SLC10A2: variants seen among roughly 807,000 people sequenced by gnomAD.
SLC10A2 encodes the protein solute carrier family 10 member 2.
In SLC10A2, 34 loss-of-function variants were observed where a neutral mutation model predicts 27.1. That is an observed-to-expected ratio of 1.26 (90% confidence interval 0.96 to 1.67). The LOEUF is 1.67. Among genes scored for constraint, SLC10A2 ranks in the 40% most tolerant of loss-of-function variants. The pLI is 0.00. For missense variants in SLC10A2, 530 were observed against 444.4 expected (o/e 1.19, Z -1.73); for synonymous variants, 205 against 174.0 (o/e 1.18, Z -1.40).
intron 1 of SLC10A2, among the ~76,000 whole-genome samples, chr13:103,058,998 G>C (rs2138921868): frequency 6.6e-6 from 1 of 152,326 alleles, no homozygotes; most frequent in African/African-American, 2.4e-5. Context: ...TGGGTTGAGT[G>C]TATTTCTGTT....
Position 103,044,186 on chromosome 13 carries a change from A to C in SLC10A2, c.*1947T>G, listed in dbSNP as rs537789877. On this transcript the variant is annotated 3_prime_UTR_variant, in exon 6 of 6. Transcript: ENST00000245312. ...ATTAGGGAAAAAGACTCAAGTCACA[A>C]GTTACCGCATCATGTAAGAAAGCCA... 5 of 152,294 alleles carry C rather than the reference A, an allele frequency of 3.3e-5. No homozygotes were observed. Among genetic ancestry groups the C allele is most frequent in the Non-Finnish European group, 5.9e-5 (4 of 68,014 alleles). 9.4% of individuals were successfully genotyped at this position (152,294 alleles called of 1,614,324 possible).
rs1465202734 is a variant in SLC10A2 at position 103,066,017 on chromosome 13, A to G, written c.233T>C (p.Ile78Thr). 2 of 1,613,994 alleles carry G rather than the reference A, an allele frequency of 1.2e-6. No individual in the cohort carries two copies. The highest frequency in any genetic ancestry group is 1.7e-5 in the Admixed American group (1 of 59,978). ...ICVGFLCQFG[I>T]MPLTGFILSV... The stretch of plus-strand genomic sequence containing the variant: ...CAGGATGAATCCTGTGAGGGGCATG[A>G]TTCCAAACTGACAGAGGAAGCCAAC... Residue 78 changes from isoleucine (I) to threonine (T), a missense_variant, in exon 1 of 6, where the codon ATC becomes ACC. Ile to Thr is a moderately conservative substitution (Grantham distance 89). Transcript: ENST00000245312.
At chr13:103,060,500 C>T (rs190354687) in intron 1 of SLC10A2, among the ~76,000 whole-genome samples, 15 of 151,680 alleles carry the variant, frequency 9.9e-5, no homozygotes, top group African/African-American at 2.9e-4. Flanking sequence ...CTCAGCCTCC[C>T]GAGTAGCTGG....
intron 3 of SLC10A2, 65 bp downstream of exon 3, chr13:103,052,555 A>G (rs1049685699): frequency 1.7e-6 from 2 of 1,158,324 alleles, no homozygotes; most frequent in Non-Finnish European, 2.6e-6. Flanking sequence ...CATTTCATGG[A>G]TGGAAAACCC....
At chr13:103,056,086 C>A (rs893003432) in intron 2 of SLC10A2, among the ~76,000 whole-genome samples, 8 of 152,226 alleles carry the variant, frequency 5.3e-5, no homozygotes, top group Non-Finnish European at 4.4e-5. Flanking sequence ...GGACAAGCTG[C>A]ATAAGGGATA....
At chr13:103,052,235 C>T (rs766201946) in intron 3 of SLC10A2, among the ~76,000 whole-genome samples, 1 of 152,086 alleles carries the variant, frequency 6.6e-6, no homozygotes, top group Non-Finnish European at 1.5e-5. Flanking sequence ...CAGTAATATG[C>T]CCTGAGGACA....
intron 1 of SLC10A2, among the ~76,000 whole-genome samples, chr13:103,065,095 A>G (rs1160055212): frequency 6.6e-6 from 1 of 152,258 alleles, no homozygotes; most frequent in East Asian, 1.9e-4. Context: ...CTAAGGAAAA[A>G]GACATTTGTC....
rs143709540 is a variant in SLC10A2 at position 103,053,081 on chromosome 13, GGTGTGTGTGTGTGTGTGTGTGTGT to G, written c.497-397_497-374del. Among the ~76,000 whole-genome samples, 177 of 145,182 alleles carry G rather than the reference GGTGTGTGTGTGTGTGTGTGTGTGT, an allele frequency of 1.2e-3. 2 individuals are homozygous for G. Among genetic ancestry groups the G allele is most frequent in the African/African-American group, 4.2e-3 (167 of 39,316 alleles). On this transcript the variant is annotated intron_variant, in intron 2 of 5. Coordinates refer to ENST00000245312, the MANE Select transcript of SLC10A2 (RefSeq NM_000452.3). ...ATCTCTAGGAAAAATAGCTCACCAA[GGTGTGTGTGTGTGTGTGTGTGTGT>G]GTGTGTGTGTGTGTGTGTGTGTATG... is the stretch of plus-strand genomic sequence containing the variant.
At chr13:103,055,942 C>G (rs561700380) in intron 2 of SLC10A2, among the ~76,000 whole-genome samples, 2 of 152,358 alleles carry the variant, frequency 1.3e-5, no homozygotes, top group South Asian at 4.1e-4. Flanking sequence ...AGTCCTTTCA[C>G]AAGCAACGTC....
intron 1 of SLC10A2, among the ~76,000 whole-genome samples, chr13:103,063,854 G>A (rs1199642542): frequency 6.6e-6 from 1 of 152,190 alleles, no homozygotes; most frequent in Non-Finnish European, 1.5e-5. Flanking sequence ...TGATAATTAA[G>A]AGAGAATATG....
Position 103,045,833 on chromosome 13 carries a change from C to T in SLC10A2, c.*300G>A, listed in dbSNP as rs921484746. 3 of 225,286 alleles carry T rather than the reference C, an allele frequency of 1.3e-5. No homozygotes were observed. Among genetic ancestry groups the T allele is most frequent in the Admixed American group, 5.2e-5 (1 of 19,292 alleles). 14.0% of individuals were successfully genotyped at this position (225,286 alleles called of 1,614,324 possible). ...TTGGTGTTAAAGATGTTTTCATTCT[C>T]GGTGTTCCCTATGTCAGGTTTAGTC... On this transcript the variant is annotated 3_prime_UTR_variant, in exon 6 of 6. Transcript: ENST00000245312.
rs1595444083 is a variant in SLC10A2 at position 103,065,947 on chromosome 13, GA to G, written c.302del (p.Leu101ProfsTer3). On this transcript the variant is annotated frameshift_variant, in exon 1 of 6. Coordinates refer to ENST00000245312, the MANE Select transcript of SLC10A2 (RefSeq NM_000452.3). LOFTEE classifies it high-confidence loss of function. ...DILPLQAVVVLIIGCCPGGTA... is the reference protein window; with the variant it reads ...DILPLQAVVVXIIGCCPGGTA... ...TTCCTCCAGGGCAGCATCCTATAAT[GA>G]GCACCACTACGGCCTGGAGCGGGAG... is the stretch of plus-strand genomic sequence containing the variant. The G allele has an allele frequency of 2.5e-6, 4 of 1,614,136 alleles. No individual in the cohort carries two copies. In the East Asian group the frequency reaches 8.9e-5, roughly 36 times the overall value.
chr13:103,060,408 A>G (rs1437308788), intron 1 of SLC10A2, among the ~76,000 whole-genome samples: 2 of 136,562 alleles, frequency 1.5e-5, no homozygotes, highest in African/African-American at 5.5e-5. Flanking sequence ...TTTTTTAAAT[A>G]GGGTCTCTCT....
chr13:103,046,115 GT>G lies in SLC10A2; in HGVS notation c.*17del. On this transcript the variant is annotated 3_prime_UTR_variant, in exon 6 of 6. Coordinates refer to ENST00000245312, the MANE Select transcript of SLC10A2 (RefSeq NM_000452.3). ...TAAGAACGTAATTTGGAACTCGTCT[GT>G]TTTGTCCACTTGATGTCTACTTTTC... The G allele has an allele frequency of 6.2e-7, 1 of 1,613,392 alleles. No individual in the cohort carries two copies. Among genetic ancestry groups the G allele is most frequent in the Non-Finnish European group, 8.5e-7 (1 of 1,179,504 alleles).
At chr13:103,065,186 C>T (rs1876236825) in intron 1 of SLC10A2, among the ~76,000 whole-genome samples, 1 of 152,112 alleles carries the variant, frequency 6.6e-6, no homozygotes, top group South Asian at 2.1e-4. Context: ...TTTTCCAGTG[C>T]TAGTTCAGAC....
chr13:103,048,260 G>A (rs570394591), intron 5 of SLC10A2, among the ~76,000 whole-genome samples: 7 of 152,020 alleles, frequency 4.6e-5, no homozygotes, highest in South Asian at 2.1e-4. Flanking sequence ...TCATGGTGGC[G>A]GGCACCTGTA....
chr13:103,059,284 T>C (rs949443306), intron 1 of SLC10A2, among the ~76,000 whole-genome samples: 1 of 152,240 alleles, frequency 6.6e-6, no homozygotes, highest in Non-Finnish European at 1.5e-5. Context: ...TCATGTCATT[T>C]GCCCACTTTT....
chr13:103,060,115 G>A (rs572878839), intron 1 of SLC10A2, among the ~76,000 whole-genome samples: 1 of 152,298 alleles, frequency 6.6e-6, no homozygotes, highest in South Asian at 2.1e-4. Context: ...GTCAAAGAAA[G>A]ATTTTTGGGG....
chr13:103,058,974 A>T (rs1876023320), intron 1 of SLC10A2, among the ~76,000 whole-genome samples: 1 of 152,260 alleles, frequency 6.6e-6, no homozygotes, highest in Non-Finnish European at 1.5e-5. Context: ...GTATATACCC[A>T]GTAATGGGAT....
Sources: allele counts gnomAD v4.1 joint callset (sites outside exome capture counted in the v4.1 genomes callset), GRCh38; gene constraint gnomAD v4.1.1; transcripts MANE v1.5; gene names NCBI Gene and HGNC (gene_info 2026-07-23, HGNC 2026-07-21).